The following ZNF236 variants were observed in gnomAD, a reference collection of about 807,000 sequenced individuals.
ZNF236 encodes regulated by glucose.
In ZNF236, 50 loss-of-function variants were observed where a neutral mutation model predicts 191.2. The ratio of observed to expected loss-of-function variants is 0.26; its 90% CI spans 0.21 to 0.33. The LOEUF (loss-of-function observed/expected upper bound fraction) is 0.33. ZNF236 is among the 10% of genes least tolerant of loss of function. The pLI, the probability that ZNF236 is intolerant of heterozygous loss-of-function variation, is 1.00. For synonymous variants in ZNF236, 907 were observed against 928.8 expected (o/e 0.98, Z 0.43); for missense variants, 1,754 against 2,374.5 (o/e 0.74, Z 5.43).
At chr18:76,849,828 G>A (rs192082765) in intron 2 of ZNF236, among the ~76,000 whole-genome samples, 160 bp downstream of exon 2, 1 of 152,328 alleles carries the variant, frequency 6.6e-6, no homozygotes, top group East Asian at 1.9e-4. Flanking sequence ...AGTTGTAGTT[G>A]TATTCCTAGC....
chr18:76,936,375 C>A (rs772622660), intron 25 of ZNF236: 3 of 456,516 alleles, frequency 6.6e-6, no homozygotes, highest in Non-Finnish European at 1.3e-5. Flanking sequence ...CACTACAGGA[C>A]TTTGATAATC....
chr18:76,896,886 G>A (rs1372767669), intron 10 of ZNF236, among the ~76,000 whole-genome samples: 1 of 151,188 alleles, frequency 6.6e-6, no homozygotes, highest in Non-Finnish European at 1.5e-5. Flanking sequence ...ACCAAACACA[G>A]TACTGCATAC....
intron 1 of ZNF236, among the ~76,000 whole-genome samples, chr18:76,836,702 C>A (rs1022741630): frequency 6.6e-6 from 1 of 151,722 alleles, no homozygotes; most frequent in African/African-American, 2.4e-5. Context: ...CTCAGCCTCC[C>A]GAGTGGCTGG....
intron 13 of ZNF236, among the ~76,000 whole-genome samples, chr18:76,905,704 T>A (rs2658749): frequency 0.94 from 143,427 of 152,284 alleles, 67,620 homozygotes; most frequent in Non-Finnish European, 0.96. Flanking sequence ...TGGTAATTAG[T>A]TGAAATGCTG....
chr18:76,899,322 G>T (rs892524236), intron 11 of ZNF236, 100 bp downstream of exon 11: 4 of 1,034,872 alleles, frequency 3.9e-6, no homozygotes, highest in Non-Finnish European at 4.2e-6. Flanking sequence ...TAGTTAAATA[G>T]TTTTTTAGGC....
intron 9 of ZNF236, chr18:76,885,259 G>C (rs1301386050): frequency 2.6e-5 from 4 of 152,310 alleles, no homozygotes; most frequent in South Asian, 4.1e-4. Flanking sequence ...ACTGTTCTCA[G>C]TGTCACTGTG....
intron 1 of ZNF236, chr18:76,824,555 A>T: frequency 2.8e-6 from 2 of 718,414 alleles, no homozygotes; most frequent in Non-Finnish European, 5.2e-6. Context: ...TTTTGTTAGT[A>T]TGCCATCTGC....
chr18:76,864,807 T>C (rs1286679333), intron 3 of ZNF236, among the ~76,000 whole-genome samples: 1 of 151,852 alleles, frequency 6.6e-6, no homozygotes, highest in Admixed American at 6.6e-5. Flanking sequence ...TGCCAGTAGA[T>C]TGTGATAAGT....
At chr18:76,829,969 C>G (rs1975121835) in intron 1 of ZNF236, among the ~76,000 whole-genome samples, 2 of 152,244 alleles carry the variant, frequency 1.3e-5, no homozygotes, top group Admixed American at 1.3e-4. Flanking sequence ...CTCCCGGGTT[C>G]AAGTGATTAT....
chr18:76,871,561 C>G, intron 4 of ZNF236, 140 bp from the exon 5 acceptor site: 1 of 836,388 alleles, frequency 1.2e-6, no homozygotes, highest in Non-Finnish European at 1.9e-6. Flanking sequence ...CACACAGACA[C>G]ATACATATAT....
Position 76,910,673 on chromosome 18 carries a change from T to C in ZNF236, c.2667T>C (p.Thr889=). 6.2e-7 allele frequency: 1 copy of C among 1,614,176 alleles called. No individual in the cohort carries two copies. Among genetic ancestry groups the C allele is most frequent in the Non-Finnish European group, 8.5e-7 (1 of 1,180,002 alleles). The change falls in exon 16 of 31, where the codon ACT becomes ACC. Residue 889 remains threonine, a synonymous_variant. Transcript: ENST00000320610. ...AATTTATTTTAGGTTTTACAGTGAC[T>C]GATACGTACCATCAGCAGCCTCAGT... ...PAGLPQGFTV[T]DTYHQQPQFP...
chr18:76,881,625 T>A, intron 9 of ZNF236, 113 bp downstream of exon 9: 1 of 951,314 alleles, frequency 1.1e-6, no homozygotes, highest in Non-Finnish European at 1.5e-6. Flanking sequence ...TGTTGAATGT[T>A]TTGTAGCTAG....
Position 76,970,398 on chromosome 18 carries a change from A to G in ZNF236, c.*2059A>G, listed in dbSNP as rs1236886926. 6.5e-6 allele frequency: 1 copy of G among 152,694 alleles called. No homozygotes were observed. Among genetic ancestry groups the G allele is most frequent in the South Asian group, 2.1e-4 (1 of 4,838 alleles). The allele number at this position is 152,694 out of a possible 1,614,324, so 9.5% of individuals were successfully genotyped here. The stretch of plus-strand genomic sequence containing the variant: ...TTGGTTAAAGAAAAAGAAAATATCA[A>G]TAATTCAATTTTGTGTCTTTTCTCA... On this transcript the variant is annotated 3_prime_UTR_variant, in exon 31 of 31. Coordinates refer to ENST00000320610, the MANE Select transcript of ZNF236 (RefSeq NM_001306089.2).
intron 10 of ZNF236, chr18:76,898,214 C>A (rs1047040698): frequency 2.0e-5 from 3 of 152,064 alleles, no homozygotes; most frequent in Non-Finnish European, 4.4e-5. Flanking sequence ...TTTTTAATGA[C>A]ATATTTATTG....
chr18:76,895,323 A>G (rs1343777884), intron 10 of ZNF236, 38 bp downstream of exon 10: 8 of 1,592,376 alleles, frequency 5.0e-6, no homozygotes, highest in Non-Finnish European at 6.8e-6. Flanking sequence ...GGCACTGGCC[A>G]CGGGGGCCAC....
intron 3 of ZNF236, among the ~76,000 whole-genome samples, chr18:76,861,897 T>C (rs1412757713): frequency 1.3e-5 from 2 of 152,196 alleles, no homozygotes; most frequent in African/African-American, 4.8e-5. Context: ...AGAGTTTCGC[T>C]CTTGTCGCCC....
intron 1 of ZNF236, among the ~76,000 whole-genome samples, chr18:76,823,144 G>C (rs1011731094): frequency 3.3e-5 from 5 of 151,778 alleles, no homozygotes; most frequent in African/African-American, 1.2e-4. Context: ...CCTGCGCGGC[G>C]CCGGCTGCCC....
chr18:76,919,818 C>G lies in ZNF236; in HGVS notation c.3317C>G (p.Ala1106Gly). Residue 1106 changes from alanine (A) to glycine (G), a missense_variant, in exon 20 of 31, where the codon GCA becomes GGA. By Grantham distance (60) the Ala-to-Gly change is moderately conservative. Coordinates refer to ENST00000320610, the MANE Select transcript of ZNF236 (RefSeq NM_001306089.2). The surrounding 1 kb of genome is among the most constrained non-coding windows in gnomAD (Gnocchi z 5.3). ...GAGGAAGAACATTCTGACAGAAATG[C>G]ATCACGGAAGTCTCGTCCTGAGGTC... The part of the protein sequence containing the change: ...EEEEEHSDRN[A>G]SRKSRPEVIT... 1 of 1,614,206 alleles carries G rather than the reference C, an allele frequency of 6.2e-7. No homozygotes were observed. Among genetic ancestry groups the G allele is most frequent in the Non-Finnish European group, 8.5e-7 (1 of 1,180,038 alleles).
In ZNF236 at chr18:76,874,654, A is replaced by C. The variant is rs538879123; in HGVS notation, c.668-838A>C. 3.3e-5 allele frequency among the ~76,000 whole-genome samples: 5 copies of C among 152,276 alleles called. No individual in the cohort carries two copies. In the East Asian group the frequency reaches 9.7e-4, roughly 30 times the overall value. On this transcript the variant is annotated intron_variant, in intron 5 of 30. Transcript: ENST00000320610. ...CACAGGAGATTTTAATGTTAAATGG[A>C]ATGGACCGGAAAGTCCTCAGTGTAA...
Sources: allele counts gnomAD v4.1 joint callset (sites outside exome capture counted in the v4.1 genomes callset), GRCh38; gene constraint gnomAD v4.1.1; non-coding constraint Gnocchi (gnomAD v3.1); transcripts MANE v1.5; gene names NCBI Gene and HGNC (gene_info 2026-07-23, HGNC 2026-07-21).